The following GREB1 variants were observed in gnomAD, a reference collection of about 807,000 sequenced individuals.
GREB1 encodes the protein growth regulating estrogen receptor binding 1.
A neutral mutation model predicts 200.7 loss-of-function variants in GREB1; 106 were observed. The ratio of observed to expected loss-of-function variants is 0.53; its 90% CI spans 0.45 to 0.62. The LOEUF (loss-of-function observed/expected upper bound fraction) is 0.62, where lower values mean the gene tolerates loss of function less well. Among genes scored for constraint, GREB1 ranks in the 20% least tolerant of loss-of-function variants. The pLI, the probability that GREB1 is intolerant of heterozygous loss-of-function variation, is 0.00. For synonymous variants in GREB1, 1,132 were observed against 1,092.4 expected, an observed-to-expected ratio of 1.04 and a Z score of -0.72; for missense variants, 2,243 against 2,556.8, an observed-to-expected ratio of 0.88 and a Z score of 2.65.
At chr2:11,532,873 C>T (rs1010278797), upstream of GREB1, among the ~76,000 whole-genome samples, 2 of 152,134 alleles carry the variant, frequency 1.3e-5, no homozygotes, top group East Asian at 1.9e-4. Context: ...ATATGGCAGA[C>T]GGTGTAAAAG....
chr2:11,589,873 C>CTGTCT (rs926593510), intron 10 of GREB1, among the ~76,000 whole-genome samples: 59 of 152,294 alleles, frequency 3.9e-4, no homozygotes, highest in African/African-American at 1.4e-3. Context: ...AACCTGAGTT[C>CTGTCT]TGTCTTGGCG....
chr2:11,559,297 C>T (rs1298982749), intron 2 of GREB1, among the ~76,000 whole-genome samples: 1 of 152,200 alleles, frequency 6.6e-6, no homozygotes, highest in Non-Finnish European at 1.5e-5. Context: ...CTGGTTTAGT[C>T]TGCTCCCGGG....
Position 11,618,278 on chromosome 2 carries a change from C to G in GREB1, c.3413-10C>G. The stretch of plus-strand genomic sequence containing the variant: ...CTAGGACGTCCCTGACCATGTTCGT[C>G]TCTCCTCAGGTTCAGCGCTCGGTGG... On this transcript the variant is annotated splice_polypyrimidine_tract_variant and intron_variant, in intron 21 of 32. Coordinates refer to ENST00000381486, the MANE Select transcript of GREB1 (RefSeq NM_014668.4). 2 of 1,470,164 alleles carry G rather than the reference C, an allele frequency of 1.4e-6. No homozygotes were observed. The highest frequency in any genetic ancestry group is 1.8e-6 in the Non-Finnish European group (2 of 1,097,870). The allele number at this position is 1,470,164 out of a possible 1,614,324, so 91.1% of individuals were successfully genotyped here.
In GREB1 at chr2:11,621,029, A is replaced by G. The variant is rs767459112; in HGVS notation, c.4147+22A>G. 5.8e-6 allele frequency: 8 copies of G among 1,384,380 alleles called. No individual in the cohort carries two copies. In the East Asian group the frequency reaches 1.8e-4, roughly 32 times the overall value. The allele number at this position is 1,384,380 out of a possible 1,614,324, so 85.8% of individuals were successfully genotyped here. A position where few individuals can be genotyped will look rare whatever the true frequency, so the allele number is the denominator to read the frequency against. On this transcript the variant is annotated intron_variant, in intron 23 of 32. Transcript: ENST00000381486. ...ATCAGTGAGTTATCTGTTTGGGGTT[A>G]TGTGGGCTTGGAGCCACCTTCATCA...
chr2:11,599,988 A>T (rs1681638664), intron 15 of GREB1, among the ~76,000 whole-genome samples: 1 of 152,120 alleles, frequency 6.6e-6, no homozygotes, highest in Non-Finnish European at 1.5e-5. Context: ...AGACATTTCC[A>T]CTGATGTAGA....
chr2:11,577,376 T>G (rs772982755), intron 5 of GREB1, among the ~76,000 whole-genome samples: 4 of 152,190 alleles, frequency 2.6e-5, no homozygotes, highest in Non-Finnish European at 5.9e-5. Context: ...TAAGACAGCT[T>G]GGCTTGAACA....
Position 11,605,504 on chromosome 2 carries a change from G to A in GREB1, c.2666+2962G>A, listed in dbSNP as rs138283119. Reference sequence around the variant, plus strand: ...TTCCCAAAGTGTTGGGATTACAGGCGTGAGCCACCGTGCCCGGCTGTGCAT... The same window carrying A: ...TTCCCAAAGTGTTGGGATTACAGGCATGAGCCACCGTGCCCGGCTGTGCAT... On this transcript the variant is annotated intron_variant, in intron 17 of 32. Coordinates refer to ENST00000381486, the MANE Select transcript of GREB1 (RefSeq NM_014668.4). Among the ~76,000 whole-genome samples the A allele has an allele frequency of 3.5e-3, 538 of 152,202 alleles. 5 individuals carry two copies. The highest frequency in any genetic ancestry group is 0.013 in the African/African-American group (520 of 41,516).
At chr2:11,567,972 T>C (rs1164806221) in intron 4 of GREB1, among the ~76,000 whole-genome samples, 5 of 152,196 alleles carry the variant, frequency 3.3e-5, no homozygotes, top group African/African-American at 1.2e-4. Context: ...CCCGTGACTG[T>C]GGGTCCGGCC....
At chr2:11,588,109 A>T (rs964675478) in intron 9 of GREB1, 1 of 396,924 alleles carries the variant, frequency 2.5e-6, no homozygotes, top group African/African-American at 2.2e-5. Context: ...CGCACCTGTC[A>T]TCCCAGCTAC....
At chr2:11,637,321 G>C (rs1387754137) in intron 30 of GREB1, among the ~76,000 whole-genome samples, 1 of 152,014 alleles carries the variant, frequency 6.6e-6, no homozygotes, top group Non-Finnish European at 1.5e-5. Flanking sequence ...CCTGTGGCTG[G>C]GATGCTGACT....
chr2:11,498,038 C>T (rs1049559299), intron 1 of GREB1, among the ~76,000 whole-genome samples: 2 of 122,718 alleles, frequency 1.6e-5, no homozygotes, highest in African/African-American at 6.4e-5. Context: ...CTGTGTCACC[C>T]AGGCTGGAAT....
chr2:11,482,924 A>T (rs1459552723), intron 1 of GREB1, among the ~76,000 whole-genome samples: 1 of 151,122 alleles, frequency 6.6e-6, no homozygotes, highest in African/African-American at 2.4e-5. Flanking sequence ...GCGGGCGCTC[A>T]GGAGCGGGGC....
chr2:11,491,883 C>G (rs1464258301), intron 1 of GREB1, among the ~76,000 whole-genome samples: 1 of 152,182 alleles, frequency 6.6e-6, no homozygotes, highest in Non-Finnish European at 1.5e-5. Context: ...GCTTGGTTCT[C>G]TGTGCTCAGT....
rs368140766 is a variant in GREB1 at position 11,629,935 on chromosome 2, C to T, written c.4450-13C>T. The T allele has an allele frequency of 2.5e-6, 4 of 1,613,076 alleles. No individual in the cohort carries two copies. The Admixed American group carries it at 6.7e-5, about 27-fold the overall frequency. ...CTCTGACGGCAAGCTCTGTCCTTTC[C>T]CCCACACCCCAGCTGTATGAGTCCA... On this transcript the variant is annotated splice_polypyrimidine_tract_variant and intron_variant, in intron 25 of 32. Transcript: ENST00000381486. The surrounding 1 kb of genome is among the most constrained non-coding windows in gnomAD (Gnocchi z 5.2).
At chr2:11,603,248 C>T (rs186490498) in intron 17 of GREB1, among the ~76,000 whole-genome samples, 23 of 152,314 alleles carry the variant, frequency 1.5e-4, no homozygotes, top group South Asian at 1.5e-3. Flanking sequence ...GTTTTATAGA[C>T]GATCTAATGC....
At chr2:11,555,163 G>T (rs1182472171) in intron 1 of GREB1, among the ~76,000 whole-genome samples, 1 of 152,100 alleles carries the variant, frequency 6.6e-6, no homozygotes, top group African/African-American at 2.4e-5. Flanking sequence ...TTTGGAAAAA[G>T]TACAAGTTAA....
Position 11,567,284 on chromosome 2 carries a change from C to A in GREB1, c.454+628C>A, listed in dbSNP as rs552010414. Among the ~76,000 whole-genome samples the A allele has an allele frequency of 3.3e-5, 5 of 152,210 alleles. No homozygotes were observed. The East Asian group carries it at 9.7e-4, about 29-fold the overall frequency. On this transcript the variant is annotated intron_variant, in intron 4 of 32. Coordinates refer to ENST00000381486, the MANE Select transcript of GREB1 (RefSeq NM_014668.4). ...GTATTACAGGTGTGCACCACCACAT[C>A]CGGCTAATTTTTGTATTTTTAGTAG...
intron 1 of GREB1, among the ~76,000 whole-genome samples, chr2:11,509,218 G>A (rs577873550): frequency 6.6e-6 from 1 of 152,014 alleles, no homozygotes; most frequent in South Asian, 2.1e-4. Flanking sequence ...TCCAAAGTGT[G>A]CAGGACCATA....
chr2:11,590,322 G>A (rs1022504939), intron 10 of GREB1, among the ~76,000 whole-genome samples: 2 of 152,094 alleles, frequency 1.3e-5, no homozygotes, highest in Non-Finnish European at 2.9e-5. Context: ...GACTCCGATT[G>A]CATCTCTTCC....
Sources: gnomAD v4.1 joint callset for allele counts (sites outside exome capture counted in the v4.1 genomes callset) on GRCh38, gnomAD v4.1.1 for gene constraint, Gnocchi (gnomAD v3.1) non-coding constraint, MANE v1.5 for transcripts, NCBI Gene and HGNC (gene_info 2026-07-23, HGNC 2026-07-21) for gene names.